The following PRPF8 variants were observed in gnomAD, a reference collection of about 807,000 sequenced individuals.
PRPF8 encodes the protein pre-mRNA-processing-splicing factor 8.
Under a neutral mutation model 285.9 loss-of-function variants are expected in PRPF8, and 64 were observed. That is an observed-to-expected ratio of 0.22 (90% CI 0.18 to 0.28). The LOEUF (loss-of-function observed/expected upper bound fraction) is 0.28, where lower values mean the gene tolerates loss of function less well. Among genes scored for constraint, PRPF8 ranks in the 10% least tolerant of loss-of-function variants. The pLI is 1.00. For missense variants in PRPF8, 1,426 were observed against 3,026.7 expected (o/e 0.47, Z 12.41); for synonymous variants, 1,325 against 1,118.2 (o/e 1.18, Z -3.69).
chr17:1,683,778 C>T, intron 2 of PRPF8, 77 bp from the exon 3 acceptor site: 2 of 1,561,982 alleles, frequency 1.3e-6, no homozygotes, highest in Non-Finnish European at 1.7e-6. Flanking sequence ...GGGTAAGCTC[C>T]TGTCAGTGAG....
intron 13 of PRPF8, 67 bp downstream of exon 13, chr17:1,678,451 C>A (rs746723084): frequency 1.6e-5 from 25 of 1,607,594 alleles, no homozygotes; most frequent in Non-Finnish European, 2.1e-5. Context: ...CCATTGCACA[C>A]CAGCCCAAGA....
rs1368997756 is a variant in PRPF8 at position 1,673,926 on chromosome 17, G to A, written c.3300-34C>T. ...GACCAGGTACACTGCTGAGGCCCCA[G>A]TACACTGAGATTTGGGACACCCACA... On this transcript the variant is annotated intron_variant, in intron 21 of 42. Coordinates refer to ENST00000304992, the MANE Select transcript of PRPF8 (RefSeq NM_006445.4). This position sits in a 1 kb window ranked among gnomAD's most constrained non-coding sequence, Gnocchi z 5.5. 1.9e-6 allele frequency: 3 copies of A among 1,607,710 alleles called. No homozygotes were observed. The highest frequency in any genetic ancestry group is 1.3e-5 in the African/African-American group (1 of 74,888).
rs2151127859 is a variant in PRPF8 at position 1,675,904 on chromosome 17, G to C, written c.2679+24C>G. The C allele has an allele frequency of 6.2e-7, 1 of 1,614,118 alleles. No individual in the cohort carries two copies. Among genetic ancestry groups the C allele is most frequent in the East Asian group, 2.2e-5 (1 of 44,882 alleles). On this transcript the variant is annotated intron_variant, in intron 18 of 42. Transcript: ENST00000304992. This position sits in a 1 kb window ranked among gnomAD's most constrained non-coding sequence, Gnocchi z 6.0. ...CTGCTACCTTTGGTAGAACCAAAAA[G>C]AAAACTTGGGAGGCCTCACTCACCT...
chr17:1,660,855 G>A, intron 28 of PRPF8, 28 bp from the exon 29 acceptor site: 2 of 1,613,328 alleles, frequency 1.2e-6, no homozygotes, highest in Non-Finnish European at 1.7e-6. Context: ...CAGGTGAGGT[G>A]ATATCCTGCC....
At chr17:1,677,819 A>T in intron 13 of PRPF8, 125 bp from the exon 14 acceptor site, 2 of 1,254,610 alleles carry the variant, frequency 1.6e-6, no homozygotes, top group Non-Finnish European at 2.2e-6. Context: ...ATGGCAGTAG[A>T]GGGGTAAAAA....
Position 1,674,621 on chromosome 17 carries a change from G to A in PRPF8, c.3120C>T (p.Ile1040=), listed in dbSNP as rs1043398. The change falls in exon 21 of 43, where the codon ATC becomes ATT. Residue 1040 remains isoleucine (I), a synonymous_variant. Transcript: ENST00000304992. ...IIRGLQFASF[I]VQYYGLVMDL... ...CCATCACCAGGCCATAATACTGCAC[G>A]ATGAATGAGGCAAACTGCAGGCCTC... 7.4e-6 allele frequency: 12 copies of A among 1,614,118 alleles called. No individual in the cohort carries two copies. Among genetic ancestry groups the A allele is most frequent in the South Asian group, 2.2e-5 (2 of 91,078 alleles).
At chr17:1,664,655 TA>T (rs901841307) in intron 24 of PRPF8, among the ~76,000 whole-genome samples, 9 of 149,452 alleles carry the variant, frequency 6.0e-5, no homozygotes, top group African/African-American at 1.2e-4. Flanking sequence ...AATTAATTAT[TA>T]AAAAAAAAAT....
In PRPF8 at chr17:1,661,810, A is replaced by C; in HGVS notation, c.4023-20T>G. 1.2e-6 allele frequency: 2 copies of C among 1,614,198 alleles called. No homozygotes were observed. Among genetic ancestry groups the C allele is most frequent in the Non-Finnish European group, 1.7e-6 (2 of 1,180,052 alleles). ...GACCACCTGTTTGGGTGTACAACCAAGATTACAGAAAAAATAAAGCCTAAA... is the reference window on the plus strand; with the variant it reads ...GACCACCTGTTTGGGTGTACAACCACGATTACAGAAAAAATAAAGCCTAAA... On this transcript the variant is annotated intron_variant, in intron 25 of 42. Coordinates refer to ENST00000304992, the MANE Select transcript of PRPF8 (RefSeq NM_006445.4). The surrounding 1 kb of genome is among the most constrained non-coding windows in gnomAD (Gnocchi z 7.3).
Position 1,656,575 on chromosome 17 carries a change from G to A in PRPF8, c.5620-10C>T. The A allele has an allele frequency of 1.2e-6, 2 of 1,614,106 alleles. No homozygotes were observed. Among genetic ancestry groups the A allele is most frequent in the Non-Finnish European group, 1.7e-6 (2 of 1,180,014 alleles). ...AGTCCAGTAAGTGCACCTAAGACAA[G>A]ATCAAGTCCAAGATGAGAAACAGCC... is the stretch of plus-strand genomic sequence containing the variant. On this transcript the variant is annotated splice_polypyrimidine_tract_variant and intron_variant, in intron 35 of 42. Transcript: ENST00000304992.
intron 8 of PRPF8, among the ~76,000 whole-genome samples, chr17:1,680,265 C>T (rs933302176): frequency 1.3e-5 from 2 of 152,114 alleles, no homozygotes; most frequent in African/African-American, 2.4e-5. Flanking sequence ...TTAGTGGTTG[C>T]GTAAGGAAGT....
chr17:1,654,086 G>C (rs1303250947), intron 37 of PRPF8, 70 bp from the exon 38 acceptor site: 2 of 1,610,466 alleles, frequency 1.2e-6, no homozygotes, highest in Non-Finnish European at 1.7e-6. Flanking sequence ...AATGGAAAGG[G>C]TGTAACTTGG....
At chr17:1,652,862 G>A (rs1264686521) in intron 39 of PRPF8, 1 of 158,890 alleles carries the variant, frequency 6.3e-6, no homozygotes, top group Non-Finnish European at 1.4e-5. Context: ...GAGTGCAGTG[G>A]GGTCATCAAA....
chr17:1,660,318 T>C, intron 30 of PRPF8, 114 bp downstream of exon 30: 1 of 1,554,058 alleles, frequency 6.4e-7, no homozygotes, highest in Non-Finnish European at 8.8e-7. Flanking sequence ...GCTGACTCTG[T>C]ACAGTACCCT....
chr17:1,675,527 A>T lies in PRPF8; in HGVS notation c.2872+93T>A, dbSNP rs144842948. 6.5e-6 allele frequency: 10 copies of T among 1,541,518 alleles called. No homozygotes were observed. Among genetic ancestry groups the T allele is most frequent in the Non-Finnish European group, 9.0e-6 (10 of 1,115,634 alleles). ...CTTCCCTTTACTACCACGCATCAAG[A>T]GAGTAAACCAATCATGCTACCCAGA... On this transcript the variant is annotated intron_variant, in intron 19 of 42. Transcript: ENST00000304992. This position sits in a 1 kb window ranked among gnomAD's most constrained non-coding sequence, Gnocchi z 6.0.
chr17:1,656,442 C>T lies in PRPF8; in HGVS notation c.5743G>A (p.Val1915Ile). Reference protein sequence around the residue: ...LILKATEPQMVLFNLYDDWLK... With the variant: ...LILKATEPQMILFNLYDDWLK... ...CAGTCGTCATAGAGGTTGAAGAGAACCATCTGGGGCTCAGTGGCTTTAAGG... is the reference window on the plus strand; with the variant it reads ...CAGTCGTCATAGAGGTTGAAGAGAATCATCTGGGGCTCAGTGGCTTTAAGG... Residue 1915 changes from valine to isoleucine, a missense_variant, in exon 36 of 43, where the codon GTT becomes ATT. Physicochemically the swap from Val to Ile is conservative, Grantham distance 29. Coordinates refer to ENST00000304992, the MANE Select transcript of PRPF8 (RefSeq NM_006445.4). 6.2e-7 allele frequency: 1 copy of T among 1,614,176 alleles called. No individual in the cohort carries two copies.
At position 1,676,830 on chromosome 17, in the gene PRPF8, G is replaced by C. The variant is rs1912625451; in HGVS notation, c.2182-119C>G. ...GCTTGAGCTCAGGAGCTTGAGGCCA[G>C]CCTAAGCAACATGGTGCTTCTTTTC... On this transcript the variant is annotated intron_variant, in intron 15 of 42. Coordinates refer to ENST00000304992, the MANE Select transcript of PRPF8 (RefSeq NM_006445.4). This position sits in a 1 kb window ranked among gnomAD's most constrained non-coding sequence, Gnocchi z 6.3. The C allele has an allele frequency of 1.4e-6, 2 of 1,465,590 alleles. No individual in the cohort carries two copies. The highest frequency in any genetic ancestry group is 1.9e-6 in the Non-Finnish European group (2 of 1,055,934). 90.8% of individuals were successfully genotyped at this position (1,465,590 alleles called of 1,614,324 possible).
Position 1,676,862 on chromosome 17 carries a change from TAAAAG to T in PRPF8, c.2181+109_2181+113del. On this transcript the variant is annotated intron_variant, in intron 15 of 42. Transcript: ENST00000304992. The surrounding 1 kb of genome is among the most constrained non-coding windows in gnomAD (Gnocchi z 6.3). ...CAACATGGTGCTTCTTTTCCCTGTC[TAAAAG>T]GGAAAAGAAAAGAGATTGGAGCCAG... is the stretch of plus-strand genomic sequence containing the variant. 2 of 1,486,194 alleles carry T rather than the reference TAAAAG, an allele frequency of 1.3e-6. No individual in the cohort carries two copies. Among genetic ancestry groups the T allele is most frequent in the Non-Finnish European group, 1.9e-6 (2 of 1,075,266 alleles). 92.1% of individuals were successfully genotyped at this position (1,486,194 alleles called of 1,614,324 possible).
At chr17:1,655,115 A>T in intron 37 of PRPF8, 1 of 516,252 alleles carries the variant, frequency 1.9e-6, no homozygotes, top group Non-Finnish European at 3.5e-6. Context: ...GCGCCATCGC[A>T]CCCGGCTAAC....
chr17:1,668,354 CTTTTTTT>C (rs970795981), intron 24 of PRPF8, among the ~76,000 whole-genome samples: 12 of 105,586 alleles, frequency 1.1e-4, no homozygotes, highest in South Asian at 6.4e-4. Flanking sequence ...GTCTAGCATT[CTTTTTTT>C]TTTTTTTTTT....
Sources: gnomAD v4.1 joint callset for allele counts (sites outside exome capture counted in the v4.1 genomes callset) on GRCh38, gnomAD v4.1.1 for gene constraint, Gnocchi (gnomAD v3.1) non-coding constraint, MANE v1.5 for transcripts, NCBI Gene and HGNC (gene_info 2026-07-23, HGNC 2026-07-21) for gene names.